EIF4G3: variants seen among roughly 807,000 people sequenced by gnomAD.
EIF4G3 encodes eukaryotic translation initiation factor 4 gamma 3, also known as eIF-4-gamma 3.
EIF4G3 carries 34 observed loss-of-function variants against 186.4 expected under a neutral mutation model. That is an observed-to-expected ratio of 0.18 (90% confidence interval 0.14 to 0.24). The LOEUF is 0.24. Among genes scored for constraint, EIF4G3 ranks in the 10% least tolerant of loss-of-function variants. EIF4G3 has a pLI of 1.00. For missense variants in EIF4G3, 1,536 were observed against 1,948.5 expected (o/e 0.79, Z 3.99); for synonymous variants, 673 against 679.5 (o/e 0.99, Z 0.15).
At chr1:21,112,942 G>A (rs1030730583) in intron 2 of EIF4G3, among the ~76,000 whole-genome samples, 1 of 151,978 alleles carries the variant, frequency 6.6e-6, no homozygotes, top group African/African-American at 2.4e-5. Flanking sequence ...CTCAAAGATA[G>A]CCAACTTATA....
At chr1:20,822,332 C>T (rs528847653) in intron 33 of EIF4G3, among the ~76,000 whole-genome samples, 2 of 128,306 alleles carry the variant, frequency 1.6e-5, no homozygotes, top group African/African-American at 5.7e-5. Context: ...AGGTTTATCA[C>T]TTTTATCTTC....
chr1:21,067,258 G>C (rs750912763), intron 3 of EIF4G3, among the ~76,000 whole-genome samples: 2 of 149,130 alleles, frequency 1.3e-5, no homozygotes, highest in Non-Finnish European at 3.0e-5. Flanking sequence ...TCAGCCTCCC[G>C]AACAGCTGGG....
chr1:20,935,728 C>G (rs1416911041), intron 14 of EIF4G3, among the ~76,000 whole-genome samples: 1 of 152,082 alleles, frequency 6.6e-6, no homozygotes, highest in Non-Finnish European at 1.5e-5. Flanking sequence ...CCAAGGCAAT[C>G]AGGAAAAGTT....
chr1:20,924,827 G>C (rs1000916863), intron 14 of EIF4G3, among the ~76,000 whole-genome samples: 1 of 152,182 alleles, frequency 6.6e-6, no homozygotes, highest in African/African-American at 2.4e-5. Context: ...CTCCCAAAGT[G>C]CTGGGATTAC....
chr1:21,039,310 T>G (rs567819289), intron 4 of EIF4G3, among the ~76,000 whole-genome samples: 14 of 152,206 alleles, frequency 9.2e-5, no homozygotes, highest in Non-Finnish European at 2.1e-4. Flanking sequence ...TGAATCATAG[T>G]TCCATTCTGT....
At chr1:21,092,422 A>C (rs908367170) in intron 2 of EIF4G3, among the ~76,000 whole-genome samples, 1 of 152,100 alleles carries the variant, frequency 6.6e-6, no homozygotes, top group Non-Finnish European at 1.5e-5. Flanking sequence ...AATATTCATC[A>C]GGGATATTGG....
chr1:21,069,566 G>T (rs1269420400), intron 3 of EIF4G3, among the ~76,000 whole-genome samples: 7 of 152,158 alleles, frequency 4.6e-5, no homozygotes, highest in Non-Finnish European at 1.0e-4. Flanking sequence ...TAAAAGCTCT[G>T]CAACATCTCC....
chr1:20,830,891 T>C (rs2064977939), intron 30 of EIF4G3, among the ~76,000 whole-genome samples: 1 of 152,206 alleles, frequency 6.6e-6, no homozygotes, highest in South Asian at 2.1e-4. Flanking sequence ...TTAAATCCTG[T>C]TGCATGATTC....
rs147145515 is a variant in EIF4G3, at chr1:20,904,924, G to C, written c.1711C>G (p.Arg571Gly). ...AACATCTCTTCAGTGGTTCGGGTCC[G>C]ATCTTTTGGTTTCTTCCATGTCTTT... Reference protein sequence around the residue: ...VPKTWKKPKDRTRTTEEMLEA... With the variant: ...VPKTWKKPKDGTRTTEEMLEA... The change falls in exon 15 of 37, where the codon CGG becomes GGG. Residue 571 changes from arginine to glycine, a missense_variant. Physicochemically the swap from Arg to Gly is moderately radical, Grantham distance 125. This residue lies in a region of EIF4G3 where 560 missense variants were observed against 547.8 expected (regional missense o/e 1.02). Transcript: ENST00000602326. 2 of 1,613,722 alleles carry C rather than the reference G, an allele frequency of 1.2e-6. No individual in the cohort carries two copies. The highest frequency in any genetic ancestry group is 1.7e-6 in the Non-Finnish European group (2 of 1,179,934).
chr1:21,167,291 A>G (rs2097871581), intron 2 of EIF4G3, among the ~76,000 whole-genome samples: 1 of 152,100 alleles, frequency 6.6e-6, no homozygotes, highest in African/African-American at 2.4e-5. Flanking sequence ...CCACACTTCA[A>G]TCCTCTTTCC....
chr1:20,986,573 G>A (rs11578298), intron 7 of EIF4G3, among the ~76,000 whole-genome samples: 4,632 of 151,490 alleles, frequency 0.031, 233 homozygotes, highest in African/African-American at 0.1. Context: ...GTGAAACCCC[G>A]TCTCCACTAA....
At chr1:20,951,340 CTA>C (rs373764189) in intron 12 of EIF4G3, among the ~76,000 whole-genome samples, 2 of 152,012 alleles carry the variant, frequency 1.3e-5, no homozygotes, top group African/African-American at 4.8e-5. Flanking sequence ...AGGGAAAATG[CTA>C]TCATTTCACC....
intron 7 of EIF4G3, among the ~76,000 whole-genome samples, chr1:20,988,722 T>C (rs572079086): frequency 6.6e-6 from 1 of 152,080 alleles, no homozygotes; most frequent in East Asian, 1.9e-4. Flanking sequence ...TAATGTTGCT[T>C]TCATGCCTGC....
intron 20 of EIF4G3, among the ~76,000 whole-genome samples, 189 bp from the exon 21 acceptor site, chr1:20,865,451 C>T (rs1306373063): frequency 2.0e-5 from 3 of 151,902 alleles, no homozygotes; most frequent in Non-Finnish European, 2.9e-5. Flanking sequence ...TTAGAAAAGA[C>T]ACACATTCCT....
intron 14 of EIF4G3, among the ~76,000 whole-genome samples, chr1:20,938,330 T>A (rs2095586705): frequency 6.6e-6 from 1 of 152,186 alleles, no homozygotes; most frequent in Admixed American, 6.5e-5. Flanking sequence ...AGAAATATGA[T>A]CTAGAATAGT....
chr1:21,110,447 G>A (rs944362385), intron 2 of EIF4G3, among the ~76,000 whole-genome samples: 10 of 151,950 alleles, frequency 6.6e-5, no homozygotes, highest in Admixed American at 2.0e-4. Context: ...GGAGCACATC[G>A]CCACGCCCAG....
chr1:20,986,758 A>AAAG (rs2079618400), intron 7 of EIF4G3, among the ~76,000 whole-genome samples: 1 of 148,060 alleles, frequency 6.8e-6, no homozygotes, highest in Non-Finnish European at 1.5e-5. Context: ...AAAAAAAAAA[A>AAAG]AAAAAAAAAA....
rs568981029 is a variant in EIF4G3 at position 20,972,756 on chromosome 1, A to G, written c.591+246T>C. ...CCTCCCAGTTCTAAAGGTGGAGTAC[A>G]TGTTGTCATGTAGCAAACCTAGCTC... On this transcript the variant is annotated intron_variant, in intron 11 of 36. Transcript: ENST00000602326. Among the ~76,000 whole-genome samples, 185 of 152,322 alleles carry G rather than the reference A, an allele frequency of 1.2e-3. 1 individual carries two copies. Among genetic ancestry groups the G allele is most frequent in the African/African-American group, 4.2e-3 (175 of 41,588 alleles).
At chr1:21,127,320 A>G (rs2097064964) in intron 2 of EIF4G3, among the ~76,000 whole-genome samples, 1 of 152,140 alleles carries the variant, frequency 6.6e-6, no homozygotes, top group Non-Finnish European at 1.5e-5. Flanking sequence ...ACTGAGCTCA[A>G]GCAATCCACC....
Sources: gnomAD v4.1 joint callset for allele counts (sites outside exome capture counted in the v4.1 genomes callset) on GRCh38, gnomAD v4.1.1 for gene constraint, gnomAD v4.1.1 regional missense constraint, MANE v1.5 for transcripts, NCBI Gene and HGNC (gene_info 2026-07-23, HGNC 2026-07-21) for gene names.